Variants in ROBO1 observed in about 807,000 individuals in gnomAD.
The protein encoded by ROBO1 is roundabout guidance receptor 1.
ROBO1 carries 149 observed loss-of-function variants against 195.9 expected under a neutral mutation model. That is an observed-to-expected ratio of 0.76 (90% CI 0.67 to 0.87). ROBO1 has a LOEUF of 0.87. Ranked by LOEUF, ROBO1 falls within the 40% of genes least tolerant of loss-of-function variation. The probability of loss-of-function intolerance (pLI) is 0.00; values close to 1 mark genes in which losing one functional copy is unlikely to be tolerated. For synonymous variants in ROBO1, 816 were observed against 733.2 expected (o/e 1.11, Z -1.82); for missense variants, 1,933 against 2,068.3 (o/e 0.93, Z 1.27).
intron 2 of ROBO1, among the ~76,000 whole-genome samples, chr3:79,166,290 C>T (rs1341434268): frequency 1.3e-5 from 2 of 152,128 alleles, no homozygotes; most frequent in Non-Finnish European, 2.9e-5. Context: ...AGAATCTTTA[C>T]AAACTTGCCC....
chr3:79,135,109 A>G (rs949657465), intron 2 of ROBO1, among the ~76,000 whole-genome samples: 4 of 152,174 alleles, frequency 2.6e-5, no homozygotes, highest in Admixed American at 1.3e-4. Flanking sequence ...CTTATTAAAC[A>G]TAGTCATCAT....
intron 2 of ROBO1, among the ~76,000 whole-genome samples, chr3:79,254,810 G>A (rs895047774): frequency 6.6e-6 from 1 of 152,120 alleles, no homozygotes; most frequent in African/African-American, 2.4e-5. Flanking sequence ...CAAGACTGTA[G>A]TATGTTTTCT....
At chr3:79,404,985 A>C in intron 2 of ROBO1, among the ~76,000 whole-genome samples, 1 of 152,136 alleles carries the variant, frequency 6.6e-6, no homozygotes, top group East Asian at 1.9e-4. Flanking sequence ...AATGGTTTTT[A>C]ATATACTAGC....
intron 17 of ROBO1, among the ~76,000 whole-genome samples, chr3:78,658,410 C>G (rs1707173169): frequency 6.6e-6 from 1 of 152,164 alleles, no homozygotes; most frequent in Non-Finnish European, 1.5e-5. Flanking sequence ...CCTGCCTCAG[C>G]CTCCTGAGTA....
In ROBO1 at chr3:79,637,384, C is replaced by CAA. The variant is rs71130603; in HGVS notation, c.-50-47425_-50-47424dup. ...TTTTATACTTTCATTTTATAAGTAG[C>CAA]AAAAAAAAAAAAAAATTAAAATGTG... On this transcript the variant is annotated intron_variant, in intron 1 of 30. Transcript: ENST00000464233. Among the ~76,000 whole-genome samples, 280 of 131,518 alleles carry CAA rather than the reference C, an allele frequency of 2.1e-3. 1 individual carries two copies. Among genetic ancestry groups the CAA allele is most frequent in the East Asian group, 5.8e-3 (26 of 4,462 alleles). The allele number at this position is 131,518 out of a possible 152,430, so 86.3% of individuals were successfully genotyped here.
chr3:78,661,002 T>C (rs374999633), intron 16 of ROBO1, 28 bp downstream of exon 16: 7 of 1,498,508 alleles, frequency 4.7e-6, no homozygotes, highest in African/African-American at 1.4e-5. Flanking sequence ...CTGCAATGCA[T>C]GGAAATCAAA....
chr3:79,553,697 T>A (rs1942602042), intron 2 of ROBO1, among the ~76,000 whole-genome samples: 1 of 152,096 alleles, frequency 6.6e-6, no homozygotes, highest in Admixed American at 6.6e-5. Flanking sequence ...AGTTACTAAA[T>A]ACCATAAAAT....
chr3:79,186,597 C>T (rs542472413), intron 2 of ROBO1, among the ~76,000 whole-genome samples: 3 of 151,996 alleles, frequency 2.0e-5, no homozygotes, highest in Non-Finnish European at 4.4e-5. Context: ...CTGCTGACTG[C>T]CTTTTGACAC....
In ROBO1 at chr3:78,647,616, T is replaced by C. The variant is rs1415341995; in HGVS notation, c.2839+13A>G. ...TAACAATGGAAAGGAGGAGGGTAAG[T>C]GCAAATATATACCTGTTGGTGTGAA... On this transcript the variant is annotated intron_variant, in intron 20 of 30. Transcript: ENST00000464233. 1 of 1,610,042 alleles carries C rather than the reference T, an allele frequency of 6.2e-7. No individual in the cohort carries two copies. The highest frequency in any genetic ancestry group is 2.2e-5 in the East Asian group (1 of 44,792).
chr3:79,289,305 T>C (rs2032091424), intron 2 of ROBO1, among the ~76,000 whole-genome samples: 1 of 152,172 alleles, frequency 6.6e-6, no homozygotes, highest in African/African-American at 2.4e-5. Flanking sequence ...TGGAATTTAA[T>C]GAAGGCCATA....
At chr3:79,413,102 C>T (rs1017771556) in intron 2 of ROBO1, among the ~76,000 whole-genome samples, 1 of 151,086 alleles carries the variant, frequency 6.6e-6, no homozygotes, top group East Asian at 1.9e-4. Flanking sequence ...ATATATATTT[C>T]TTTTAACAAG....
chr3:79,653,564 G>A lies in ROBO1; in HGVS notation c.-50-63603C>T, dbSNP rs1388307119. On this transcript the variant is annotated intron_variant, in intron 1 of 30. Transcript: ENST00000464233. Reference sequence around the variant, plus strand: ...AAAGAAATATTTTTCAGGCTTTTGAGTATCATTTCAAGATGAGAATATTTG... The same window carrying A: ...AAAGAAATATTTTTCAGGCTTTTGAATATCATTTCAAGATGAGAATATTTG... Among the ~76,000 whole-genome samples the A allele has an allele frequency of 3.9e-5, 6 of 151,932 alleles. No individual in the cohort carries two copies. The East Asian group carries it at 5.8e-4, about 15-fold the overall frequency.
chr3:78,841,434 C>G (rs1220895928), intron 4 of ROBO1, among the ~76,000 whole-genome samples: 1 of 152,154 alleles, frequency 6.6e-6, no homozygotes, highest in Non-Finnish European at 1.5e-5. Flanking sequence ...TCAATCAGAA[C>G]AAGTACAAGG....
chr3:79,332,834 T>C (rs923534012), intron 2 of ROBO1, among the ~76,000 whole-genome samples: 1 of 152,192 alleles, frequency 6.6e-6, no homozygotes, highest in Non-Finnish European at 1.5e-5. Context: ...GATAAAGTAA[T>C]AAATCAAACA....
At chr3:79,341,447 T>C (rs1217565445) in intron 2 of ROBO1, among the ~76,000 whole-genome samples, 3 of 152,174 alleles carry the variant, frequency 2.0e-5, no homozygotes, top group Non-Finnish European at 4.4e-5. Context: ...TCATTTCACA[T>C]CTTAGCAGTT....
In ROBO1 at chr3:78,656,602, C is replaced by T. The variant is rs559301387; in HGVS notation, c.2614+496G>A. 7.2e-5 allele frequency among the ~76,000 whole-genome samples: 11 copies of T among 152,174 alleles called. 1 individual carries two copies. The highest frequency in any genetic ancestry group is 1.9e-4 in the East Asian group (1 of 5,160). On this transcript the variant is annotated intron_variant, in intron 18 of 30. Coordinates refer to ENST00000464233, the MANE Select transcript of ROBO1 (RefSeq NM_002941.4). Reference sequence around the variant, plus strand: ...TCCTGACCTCGTGATTTGCCTGCCTCGGCCTCCCAGAGTGTTGGGATTACA... The same window carrying T: ...TCCTGACCTCGTGATTTGCCTGCCTTGGCCTCCCAGAGTGTTGGGATTACA...
At chr3:79,557,198 C>A (rs1057261266) in intron 2 of ROBO1, among the ~76,000 whole-genome samples, 1 of 151,628 alleles carries the variant, frequency 6.6e-6, no homozygotes, top group African/African-American at 2.4e-5. Flanking sequence ...TTGCCTGTCT[C>A]GATACCCATT....
intron 1 of ROBO1, among the ~76,000 whole-genome samples, chr3:79,595,883 G>A (rs193163212): frequency 1.3e-4 from 19 of 151,920 alleles, no homozygotes; most frequent in African/African-American, 4.3e-4. Flanking sequence ...GAGAATAACC[G>A]TGGCTTGTAG....
At chr3:79,454,246 T>C (rs1031962893) in intron 2 of ROBO1, among the ~76,000 whole-genome samples, 2 of 151,526 alleles carry the variant, frequency 1.3e-5, no homozygotes, top group Non-Finnish European at 1.5e-5. Context: ...AAAAAATAGG[T>C]ATTGCAGCAT....
Sources: gnomAD v4.1 joint callset for allele counts (sites outside exome capture counted in the v4.1 genomes callset) on GRCh38, gnomAD v4.1.1 for gene constraint, MANE v1.5 for transcripts, NCBI Gene and HGNC (gene_info 2026-07-23, HGNC 2026-07-21) for gene names.